Variants in ITGB4 observed in about 807,000 individuals in gnomAD.
ITGB4 encodes the protein integrin subunit beta 4, also known as integrin beta-4.
A neutral mutation model predicts 207.6 loss-of-function variants in ITGB4; 159 were observed. The observed-to-expected ratio is 0.77, with a 90% confidence interval of 0.67 to 0.87. The LOEUF (loss-of-function observed/expected upper bound fraction) is 0.87, where lower values mean the gene tolerates loss of function less well. Among genes scored for constraint, ITGB4 ranks in the 40% least tolerant of loss-of-function variants. The pLI is 0.00. For synonymous variants in ITGB4, 1,020 were observed against 1,062.7 expected, an observed-to-expected ratio of 0.96 and a Z score of 0.78; for missense variants, 2,278 against 2,546.8, an observed-to-expected ratio of 0.89 and a Z score of 2.27.
rs1039289854 is a variant in ITGB4, at chr17:75,750,433, A to G, written c.3474+165A>G. On this transcript the variant is annotated intron_variant, in intron 28 of 39. Coordinates refer to ENST00000200181, the MANE Select transcript of ITGB4 (RefSeq NM_000213.5). This position sits in a 1 kb window ranked among gnomAD's most constrained non-coding sequence, Gnocchi z 5.5. ...CCCGGTCTGTGCTGGGAAAGAGGGA[A>G]GACCCATTCCTGAGTTTATCAGACA... Among the ~76,000 whole-genome samples the G allele has an allele frequency of 5.9e-5, 9 of 152,154 alleles. No individual in the cohort carries two copies. Among genetic ancestry groups the G allele is most frequent in the Admixed American group, 2.0e-4 (3 of 15,272 alleles).
intron 18 of ITGB4, among the ~76,000 whole-genome samples, chr17:75,737,871 A>G (rs1453931384): frequency 1.0e-5 from 1 of 98,146 alleles, no homozygotes; most frequent in East Asian, 2.6e-4. Flanking sequence ...CTGGGTCCCC[A>G]CCTCACCAGG....
At chr17:75,737,015 G>A (rs1219814369) in intron 16 of ITGB4, among the ~76,000 whole-genome samples, 3 of 152,164 alleles carry the variant, frequency 2.0e-5, no homozygotes, top group Non-Finnish European at 1.5e-5. Context: ...TCACGCTGTG[G>A]AGACACGCAG....
In ITGB4 at chr17:75,727,134, G is replaced by A. The variant is rs1490724277; in HGVS notation, c.80-61G>A. ...CATCTCTCCAGGTGAAGGTGCAGGT[G>A]GGAAAGTGCTTGCCTTTGCTGAGCG... is the stretch of plus-strand genomic sequence containing the variant. On this transcript the variant is annotated intron_variant, in intron 2 of 39. Coordinates refer to ENST00000200181, the MANE Select transcript of ITGB4 (RefSeq NM_000213.5). This position sits in a 1 kb window ranked among gnomAD's most constrained non-coding sequence, Gnocchi z 6.0. The A allele has an allele frequency of 4.4e-6, 6 of 1,354,258 alleles. No homozygotes were observed. The highest frequency in any genetic ancestry group is 3.2e-6 in the Non-Finnish European group (3 of 950,074). 83.9% of individuals were successfully genotyped at this position (1,354,258 alleles called of 1,614,324 possible). A position where few individuals can be genotyped will look rare whatever the true frequency, so the allele number is the denominator to read the frequency against.
chr17:75,729,329 G>A lies in ITGB4; in HGVS notation c.631G>A (p.Glu211Lys), dbSNP rs1388272938. The change falls in exon 7 of 40, where the codon GAA (glutamate) becomes AAA (lysine). Residue 211 changes from glutamate (E) to lysine (K), a missense_variant. Physicochemically the swap from Glu to Lys is moderately conservative, Grantham distance 56 (BLOSUM62 1). Coordinates refer to ENST00000200181, the MANE Select transcript of ITGB4 (RefSeq NM_000213.5). The surrounding 1 kb of genome is among the most constrained non-coding windows in gnomAD (Gnocchi z 4.4). ...CTTCAAGAACGTCATCAGCCTGACAGAAGATGTGGATGAGTTCCGGAATAA... is the reference window on the plus strand; with the variant it reads ...CTTCAAGAACGTCATCAGCCTGACAAAAGATGTGGATGAGTTCCGGAATAA... ...FSFKNVISLTEDVDEFRNKLQ... is the reference protein window; with the variant it reads ...FSFKNVISLTKDVDEFRNKLQ... The A allele has an allele frequency of 6.2e-7, 1 of 1,614,052 alleles. No individual in the cohort carries two copies. Among genetic ancestry groups the A allele is most frequent in the African/African-American group, 1.3e-5 (1 of 74,914 alleles).
At chr17:75,755,673 C>G (rs201080373) in intron 34 of ITGB4, 28 bp from the exon 35 acceptor site, 1 of 1,612,256 alleles carries the variant, frequency 6.2e-7, no homozygotes, top group African/African-American at 1.3e-5. Context: ...CCCTGCATCT[C>G]TGGCTGACTG....
intron 26 of ITGB4, among the ~76,000 whole-genome samples, chr17:75,745,965 C>T (rs1299422137): frequency 1.3e-5 from 2 of 152,212 alleles, no homozygotes; most frequent in South Asian, 2.1e-4. Flanking sequence ...TAGGGGAGCG[C>T]GTAGTCAGCA....
chr17:75,731,410 C>T lies in ITGB4; in HGVS notation c.1215+42C>T, dbSNP rs115583957. On this transcript the variant is annotated intron_variant, in intron 10 of 39. Transcript: ENST00000200181. This position sits in a 1 kb window ranked among gnomAD's most constrained non-coding sequence, Gnocchi z 6.8. ...GCAGCGGGGTGGGGGATAGGCACAG[C>T]GCCCCACACCGAGTGGAATCGTTTA... is the stretch of plus-strand genomic sequence containing the variant. 220 of 1,572,248 alleles carry T rather than the reference C, an allele frequency of 1.4e-4. No individual in the cohort carries two copies. The African/African-American group carries it at 2.1e-3, about 15-fold the overall frequency.
Position 75,756,420 on chromosome 17 carries a change from T to TC in ITGB4, c.4709-3dup. On this transcript the variant is annotated splice_polypyrimidine_tract_variant and intron_variant, in intron 35 of 39. Transcript: ENST00000200181. The stretch of plus-strand genomic sequence containing the variant: ...TGCACTACTGTGTGCCCCCACCTGA[T>TC]CCCCCCAGGTGAGCTGCATCGGCTC... 6.2e-7 allele frequency: 1 copy of TC among 1,612,568 alleles called. No homozygotes were observed.
rs375663759 is a variant in ITGB4 at position 75,757,131 on chromosome 17, C to T, written c.5218+24C>T. On this transcript the variant is annotated intron_variant, in intron 38 of 39. Transcript: ENST00000200181. ...AGGTAGGCACCTGTCCTTTCCTTCA[C>T]CCCCACCCCTCCTCGGGCCGTGCCT... 8.9e-5 allele frequency: 144 copies of T among 1,612,906 alleles called. No homozygotes were observed. In the African/African-American group the frequency reaches 1.5e-3, roughly 17 times the overall value.
chr17:75,729,188 T>G lies in ITGB4; in HGVS notation c.567-77T>G. 7.2e-7 allele frequency: 1 copy of G among 1,396,564 alleles called. No individual in the cohort carries two copies. Among genetic ancestry groups the G allele is most frequent in the Non-Finnish European group, 9.9e-7 (1 of 1,013,234 alleles). 86.5% of individuals were successfully genotyped at this position (1,396,564 alleles called of 1,614,324 possible). On this transcript the variant is annotated intron_variant, in intron 6 of 39. Coordinates refer to ENST00000200181, the MANE Select transcript of ITGB4 (RefSeq NM_000213.5). The surrounding 1 kb of genome is among the most constrained non-coding windows in gnomAD (Gnocchi z 4.4). ...AAAAAAAAAAAAATTCTCCTTCTAG[T>G]TGAAACGAGCCAGGGGCACTGGGGT...
intron 18 of ITGB4, among the ~76,000 whole-genome samples, chr17:75,738,917 A>G (rs1031978901): frequency 6.6e-6 from 1 of 152,146 alleles, no homozygotes; most frequent in Non-Finnish European, 1.5e-5. Flanking sequence ...TTGAGGCTAC[A>G]GTGAGCTATG....
chr17:75,756,500 C>T lies in ITGB4; in HGVS notation c.4780C>T (p.His1594Tyr), dbSNP rs866448603. 2.5e-6 allele frequency: 4 copies of T among 1,613,372 alleles called. No homozygotes were observed. The highest frequency in any genetic ancestry group is 2.7e-5 in the African/African-American group (2 of 75,046). Residue 1594 changes from histidine (H) to tyrosine (Y), a missense_variant, in exon 36 of 40, where the codon CAC (histidine) becomes TAC (tyrosine). Transcript: ENST00000200181. The stretch of plus-strand genomic sequence containing the variant: ...GGTGGTGGAAGACCTCCTGCCCAAC[C>T]ACTCCTACGTGTTCCGCGTGCGGGC... Reference protein sequence around the residue: ...SVVVEDLLPNHSYVFRVRAQS... With the variant: ...SVVVEDLLPNYSYVFRVRAQS...
intron 27 of ITGB4, among the ~76,000 whole-genome samples, chr17:75,749,677 T>A (rs1396986199): frequency 1.3e-5 from 2 of 152,254 alleles, no homozygotes; most frequent in African/African-American, 4.8e-5. Flanking sequence ...TCAGCCTCAA[T>A]TCCAACTAAC....
At position 75,742,434 on chromosome 17, in the gene ITGB4, G is replaced by A. The variant is rs1350058677; in HGVS notation, c.2727G>A (p.Arg909=). The A allele has an allele frequency of 6.2e-7, 1 of 1,613,142 alleles. No individual in the cohort carries two copies. Among genetic ancestry groups the A allele is most frequent in the Non-Finnish European group, 8.5e-7 (1 of 1,179,912 alleles). The change falls in exon 24 of 40, where the codon AGG becomes AGA. Residue 909 remains arginine, a synonymous_variant. Transcript: ENST00000200181. The surrounding 1 kb of genome is among the most constrained non-coding windows in gnomAD (Gnocchi z 5.9). ...LKLTEKQVEQ[R]AFHDLKVAPG... ...TTACAGAGAAGCAGGTGGAACAGAG[G>A]GCCTTCCACGACCTCAAGGTGGCCC...
In ITGB4 at chr17:75,752,217, G is replaced by A; in HGVS notation, c.3837G>A (p.Lys1279=). The part of the protein sequence containing the change: ...PMKKVLVDNP[K]NRMLLIENLR... ...AGAAAGTGCTGGTTGACAACCCTAA[G>A]AACCGGATGCTGCTTATTGAGAACC... The change falls in exon 31 of 40, where the codon AAG becomes AAA. Residue 1279 remains lysine (K), a synonymous_variant. Coordinates refer to ENST00000200181, the MANE Select transcript of ITGB4 (RefSeq NM_000213.5). The A allele has an allele frequency of 1.9e-6, 3 of 1,613,934 alleles. No homozygotes were observed. Among genetic ancestry groups the A allele is most frequent in the South Asian group, 1.1e-5 (1 of 91,092 alleles).
Position 75,721,857 on chromosome 17 carries a change from C to T in ITGB4, c.-11+245C>T, listed in dbSNP as rs544188116. The stretch of plus-strand genomic sequence containing the variant: ...CAGAGGAGCGCCTTGGGTGCGCCTG[C>T]GGGAGAAGTGGGCAGAGGCCAGTGG... On this transcript the variant is annotated intron_variant, in intron 1 of 39. Coordinates refer to ENST00000200181, the MANE Select transcript of ITGB4 (RefSeq NM_000213.5). Among the ~76,000 whole-genome samples the T allele has an allele frequency of 4.6e-5, 7 of 152,316 alleles. No homozygotes were observed. The East Asian group carries it at 1.4e-3, about 29-fold the overall frequency.
In ITGB4 at chr17:75,740,972, G is replaced by A; in HGVS notation, c.2610-10G>A. ...CTATCTAGCTCACAGCGCCCTCTTT[G>A]TCCCCACAGGCAGCAGCCCAATGCC... On this transcript the variant is annotated splice_polypyrimidine_tract_variant and intron_variant, in intron 22 of 39. Coordinates refer to ENST00000200181, the MANE Select transcript of ITGB4 (RefSeq NM_000213.5). The surrounding 1 kb of genome is among the most constrained non-coding windows in gnomAD (Gnocchi z 5.9). The A allele has an allele frequency of 1.9e-6, 3 of 1,613,976 alleles. No homozygotes were observed. Among genetic ancestry groups the A allele is most frequent in the Non-Finnish European group, 2.5e-6 (3 of 1,180,030 alleles).
At position 75,730,427 on chromosome 17, in the gene ITGB4, A is replaced by G; in HGVS notation, c.925A>G (p.Thr309Ala). The part of the protein sequence containing the change: ...YRTQDYPSVP[T>A]LVRLLAKHNI... The stretch of plus-strand genomic sequence containing the variant: ...GACACAGGACTACCCGTCGGTGCCC[A>G]CCCTGGTGCGCCTGCTCGCCAAGCA... The change falls in exon 8 of 40, where the codon ACC becomes GCC. Residue 309 changes from threonine (T) to alanine (A), a missense_variant. Coordinates refer to ENST00000200181, the MANE Select transcript of ITGB4 (RefSeq NM_000213.5). The G allele has an allele frequency of 6.2e-7, 1 of 1,613,998 alleles. No individual in the cohort carries two copies.
Position 75,727,525 on chromosome 17 carries a change from G to C in ITGB4, c.264+20G>C, listed in dbSNP as rs754012248. On this transcript the variant is annotated intron_variant, in intron 4 of 39. Transcript: ENST00000200181. This position sits in a 1 kb window ranked among gnomAD's most constrained non-coding sequence, Gnocchi z 6.0. The stretch of plus-strand genomic sequence containing the variant: ...ACAGAGGTGCCTGGTGTGGGGACTG[G>C]GGTGGGGGCTCCCCATGCTCAGCCT... 15 of 1,611,268 alleles carry C rather than the reference G, an allele frequency of 9.3e-6. No individual in the cohort carries two copies. The highest frequency in any genetic ancestry group is 1.3e-5 in the Non-Finnish European group (15 of 1,178,494).
Sources: gnomAD v4.1 joint callset for allele counts (sites outside exome capture counted in the v4.1 genomes callset) on GRCh38, gnomAD v4.1.1 for gene constraint, Gnocchi (gnomAD v3.1) non-coding constraint, MANE v1.5 for transcripts, NCBI Gene and HGNC (gene_info 2026-07-23, HGNC 2026-07-21) for gene names.